ABTB3: variants seen among roughly 807,000 people sequenced by gnomAD.
ABTB3 encodes ankyrin repeat- and BTB/POZ domain-containing protein 3.
At chr12:107,348,179 C>T in the ABTB3 span, among the ~76,000 whole-genome samples, 76 of 151,764 alleles carry the variant, frequency 5.0e-4, no homozygotes, top group Admixed American at 1.4e-3. Context: ...TATGTGCATG[C>T]GTGTGTGTAT....
At chr12:107,331,486 G>C in the ABTB3 span, among the ~76,000 whole-genome samples, 1 of 152,218 alleles carries the variant, frequency 6.6e-6, no homozygotes. Flanking sequence ...CCTGCAAGGA[G>C]GGGAGCTGCC....
At chr12:107,425,503 G>GA in the ABTB3 span, among the ~76,000 whole-genome samples, 1,942 of 152,236 alleles carry the variant, frequency 0.013, 42 homozygotes, top group African/African-American at 0.044. Context: ...TGTATTATAT[G>GA]ATTTTGCCTA....
the ABTB3 span, chr12:107,374,894 A>G: frequency 0.33 from 50,243 of 152,128 alleles, 9,494 homozygotes; most frequent in African/African-American, 0.53. Flanking sequence ...ATCTTTCCTC[A>G]TGCTCTGGTA....
the ABTB3 span, chr12:107,319,700 G>T: frequency 6.5e-7 from 1 of 1,533,936 alleles, no homozygotes; most frequent in South Asian, 1.2e-5. Context: ...GCGGGTCGTG[G>T]CCTCCGGGGT....
At chr12:107,402,036 C>T in the ABTB3 span, among the ~76,000 whole-genome samples, 15 of 151,078 alleles carry the variant, frequency 9.9e-5, 1 homozygote, top group Admixed American at 4.6e-4. Flanking sequence ...TGATGGAGAT[C>T]GGTGTAAAAA....
chr12:107,644,387 T>C, the ABTB3 span, among the ~76,000 whole-genome samples: 1 of 152,164 alleles, frequency 6.6e-6, no homozygotes. Context: ...AATCTAGCAG[T>C]GGGGCCCAGG....
chr12:107,649,354 C>T, the ABTB3 span: 1 of 1,338,054 alleles, frequency 7.5e-7, no homozygotes, highest in East Asian at 2.3e-5. Flanking sequence ...CACCAGCCTG[C>T]ATGGAAGTGT....
At chr12:107,359,802 G>A in the ABTB3 span, among the ~76,000 whole-genome samples, 1 of 152,160 alleles carries the variant, frequency 6.6e-6, no homozygotes. Flanking sequence ...CAAGACTGGG[G>A]TTTGATCCTC....
chr12:107,539,210 C>A, the ABTB3 span, among the ~76,000 whole-genome samples: 2 of 152,158 alleles, frequency 1.3e-5, no homozygotes, highest in Non-Finnish European at 2.9e-5. Context: ...GCTGTCTCTT[C>A]TTCCTCTACT....
chr12:107,619,685 T>A, the ABTB3 span, among the ~76,000 whole-genome samples: 1 of 152,212 alleles, frequency 6.6e-6, no homozygotes, highest in Non-Finnish European at 1.5e-5. Flanking sequence ...TCCAATATGC[T>A]ACACGATGAT....
chr12:107,482,445 TG>T, the ABTB3 span, among the ~76,000 whole-genome samples: 453 of 152,214 alleles, frequency 3.0e-3, 3 homozygotes, highest in African/African-American at 0.01. Flanking sequence ...GGCACTGGCT[TG>T]GAGTGTGGGA....
chr12:107,494,278 G>T, the ABTB3 span, among the ~76,000 whole-genome samples: 4 of 152,162 alleles, frequency 2.6e-5, no homozygotes, highest in African/African-American at 9.7e-5. Context: ...GCTAGGATCT[G>T]GGCCTATGAA....
the ABTB3 span, among the ~76,000 whole-genome samples, chr12:107,526,016 G>C: frequency 6.6e-6 from 1 of 152,090 alleles, no homozygotes; most frequent in Non-Finnish European, 1.5e-5. Flanking sequence ...GTGCAAATCA[G>C]CTTTGTATTG....
the ABTB3 span, among the ~76,000 whole-genome samples, chr12:107,587,079 G>A: frequency 6.6e-6 from 1 of 152,232 alleles, no homozygotes; most frequent in African/African-American, 2.4e-5. Flanking sequence ...GGAATTCAGA[G>A]AGAGAGAGCA....
the ABTB3 span, among the ~76,000 whole-genome samples, chr12:107,657,125 G>A: frequency 2.6e-5 from 4 of 152,192 alleles, no homozygotes; most frequent in Non-Finnish European, 5.9e-5. Context: ...ACATTTGTGG[G>A]ATAACTAGCC....
chr12:107,636,751 C>T, the ABTB3 span, among the ~76,000 whole-genome samples: 14 of 152,148 alleles, frequency 9.2e-5, no homozygotes, highest in African/African-American at 1.4e-4. Context: ...CAGGGCAACA[C>T]GTTATAAAGA....
the ABTB3 span, among the ~76,000 whole-genome samples, chr12:107,458,964 CA>C: frequency 6.6e-6 from 1 of 152,194 alleles, no homozygotes; most frequent in Non-Finnish European, 1.5e-5. Context: ...CCTTTGAGAA[CA>C]GGGGGGCCTG....
the ABTB3 span, among the ~76,000 whole-genome samples, chr12:107,557,758 C>T: frequency 0.25 from 38,721 of 152,136 alleles, 5,104 homozygotes; most frequent in East Asian, 0.36. Flanking sequence ...TTGTCATCCC[C>T]GTTTTACAGA....
the ABTB3 span, among the ~76,000 whole-genome samples, chr12:107,602,812 CAA>C: frequency 1.3e-5 from 2 of 152,164 alleles, no homozygotes; most frequent in African/African-American, 4.8e-5. Context: ...GCCTCCTTCC[CAA>C]GAGAGAGAAA....
Sources: gnomAD v4.1 joint callset for allele counts (sites outside exome capture counted in the v4.1 genomes callset) on GRCh38, gnomAD v4.1.1 for gene constraint, MANE v1.5 for transcripts, NCBI Gene and HGNC (gene_info 2026-07-23, HGNC 2026-07-21) for gene names.